The following BTN2A1 variants were observed in gnomAD, a reference collection of about 807,000 sequenced individuals.
BTN2A1 encodes the protein butyrophilin subfamily 2 member A1, also known as butyrophilin, subfamily 2, member A1.
BTN2A1 carries 41 observed loss-of-function variants against 34.5 expected under a neutral mutation model. The observed-to-expected ratio is 1.19, with a 90% CI of 0.93 to 1.54. The LOEUF (loss-of-function observed/expected upper bound fraction) is 1.54, where lower values mean the gene tolerates loss of function less well. Ranked by LOEUF, BTN2A1 falls within the 40% of genes most tolerant of loss-of-function variation. BTN2A1 has a pLI of 0.00. For synonymous variants in BTN2A1, 267 were observed against 258.6 expected (o/e 1.03, Z -0.31); for missense variants, 642 against 662.0 (o/e 0.97, Z 0.33).
downstream of BTN2A1, chr6:26,469,793 C>T (rs1009650625): frequency 3.3e-5 from 5 of 152,138 alleles, no homozygotes; most frequent in Non-Finnish European, 7.4e-5. Context: ...AAACAACAAA[C>T]TGTGTTTTAT....
chr6:26,470,157 G>A (rs945577794), downstream of BTN2A1, among the ~76,000 whole-genome samples: 1 of 152,174 alleles, frequency 6.6e-6, no homozygotes, highest in South Asian at 2.1e-4. Context: ...AGACCAGCCT[G>A]GTCAACATGG....
chr6:26,460,460 C>T (rs982335708), intron 3 of BTN2A1, among the ~76,000 whole-genome samples: 3 of 152,108 alleles, frequency 2.0e-5, no homozygotes, highest in Non-Finnish European at 4.4e-5. Flanking sequence ...ATATATAGTT[C>T]CTGCTAACTC....
chr6:26,458,851 A>G (rs1277062280), intron 2 of BTN2A1, 133 bp downstream of exon 2: 2 of 1,195,532 alleles, frequency 1.7e-6, no homozygotes, highest in East Asian at 2.4e-5. Flanking sequence ...CATTGAATTT[A>G]TACCAGCACT....
At chr6:26,475,065 G>A (rs1030123572) in intron 7 of BTN2A1, among the ~76,000 whole-genome samples, 1 of 152,164 alleles carries the variant, frequency 6.6e-6, no homozygotes, top group Non-Finnish European at 1.5e-5. Context: ...CCCCAGCCAG[G>A]AGACGAAAAG....
At chr6:26,467,612 A>G in intron 7 of BTN2A1, 5 of 1,216,876 alleles carry the variant, frequency 4.1e-6, no homozygotes, top group Non-Finnish European at 5.6e-6. Flanking sequence ...ACGCCTGGCC[A>G]GAGATCATAT....
Position 26,463,463 on chromosome 6 carries a change from T to C in BTN2A1, c.650T>C (p.Met217Thr), listed in dbSNP as rs371521117. The change falls in exon 4 of 8, where the codon ATG becomes ACG. Residue 217 changes from methionine (M) to threonine (T), a missense_variant. Transcript: ENST00000312541. ...VIIRDKSVRN[M>T]SCSINNTLLG... is the part of the protein sequence containing the mutation. Reference sequence around the variant, plus strand: ...ATCAGAGACAAGTCTGTGAGGAACATGTCCTGCTCTATCAACAACACCCTG... The same window carrying C: ...ATCAGAGACAAGTCTGTGAGGAACACGTCCTGCTCTATCAACAACACCCTG... 11 of 1,614,130 alleles carry C rather than the reference T, an allele frequency of 6.8e-6. No homozygotes were observed. The East Asian group carries it at 2.0e-4, about 29-fold the overall frequency.
intron 3 of BTN2A1, among the ~76,000 whole-genome samples, chr6:26,462,417 A>G (rs556636688): frequency 8.5e-5 from 13 of 152,314 alleles, no homozygotes; most frequent in South Asian, 2.1e-4. Flanking sequence ...AATGGTGGAA[A>G]ATGCCTGTAA....
chr6:26,465,901 A>G (rs1763299776), intron 5 of BTN2A1, 52 bp from the exon 6 acceptor site: 2 of 1,613,294 alleles, frequency 1.2e-6, no homozygotes, highest in Non-Finnish European at 8.5e-7. Flanking sequence ...TAAAAACCCA[A>G]CTTCTTTTAG....
intron 7 of BTN2A1, 150 bp downstream of exon 7, chr6:26,466,238 G>A (rs1413175388): frequency 5.0e-6 from 6 of 1,189,370 alleles, no homozygotes; most frequent in Admixed American, 1.7e-5. Flanking sequence ...CAGCAATGAT[G>A]CATCATGTCT....
intron 7 of BTN2A1, among the ~76,000 whole-genome samples, chr6:26,467,225 G>A (rs4637637): frequency 1.3e-5 from 2 of 152,202 alleles, no homozygotes; most frequent in Non-Finnish European, 2.9e-5. Flanking sequence ...GGAGGAGCAG[G>A]ACATAAAGCC....
chr6:26,461,895 C>G (rs985293295), intron 3 of BTN2A1, among the ~76,000 whole-genome samples: 7 of 152,014 alleles, frequency 4.6e-5, no homozygotes, highest in Non-Finnish European at 7.4e-5. Context: ...GTGGCACATG[C>G]CTGTAGTCTC....
chr6:26,466,263 T>C lies in BTN2A1; in HGVS notation c.982+175T>C, dbSNP rs139278761. Among the ~76,000 whole-genome samples the C allele has an allele frequency of 1.6e-3, 244 of 152,292 alleles. 1 individual carries two copies. Among genetic ancestry groups the C allele is most frequent in the Middle Eastern group, 6.8e-3 (2 of 294 alleles). On this transcript the variant is annotated intron_variant, in intron 7 of 7. Coordinates refer to ENST00000312541, the MANE Select transcript of BTN2A1 (RefSeq NM_007049.5). ...GCATCATGTCTCTTCTGTCAGGGAA[T>C]CCCAGCAGCTCTCAATCCACCCTAT...
chr6:26,465,482 A>T, intron 5 of BTN2A1, 76 bp downstream of exon 5: 1 of 1,412,000 alleles, frequency 7.1e-7, no homozygotes, highest in Non-Finnish European at 9.9e-7. Context: ...AGATCACTTG[A>T]GCCCTGGAGT....
rs1406158142 is a variant in BTN2A1, at chr6:26,458,112, G to A, written c.-61G>A. The A allele has an allele frequency of 1.3e-5, 2 of 155,878 alleles. No individual in the cohort carries two copies. Among genetic ancestry groups the A allele is most frequent in the African/African-American group, 2.4e-5 (1 of 41,476 alleles). The allele number at this position is 155,878 out of a possible 1,614,324, so 9.7% of individuals were successfully genotyped here. On this transcript the variant is annotated 5_prime_UTR_variant, in exon 1 of 8. Transcript: ENST00000312541. ...TGGAGAATCGTCGAGAACCAGCGGA[G>A]AAAAGAAAAAGCAACGTTTAATTCT...
Position 26,465,317 on chromosome 6 carries a change from A to G in BTN2A1, c.845A>G (p.Glu282Gly), listed in dbSNP as rs568799732. The G allele has an allele frequency of 1.2e-6, 2 of 1,614,138 alleles. No individual in the cohort carries two copies. The highest frequency in any genetic ancestry group is 2.2e-5 in the South Asian group (2 of 91,086). The change falls in exon 5 of 8, where the codon GAA (glutamate) becomes GGA (glycine). Residue 282 changes from glutamate to glycine, a missense_variant. Transcript: ENST00000312541. Reference protein sequence around the residue: ...LQKEKKILSGEKEFERETREI... With the variant: ...LQKEKKILSGGKEFERETREI... ...AAGGAAAAAAAGATTCTGTCAGGGG[A>G]AAAGGAGTTTGAACGGGAAACAAGA...
intron 3 of BTN2A1, among the ~76,000 whole-genome samples, chr6:26,461,261 C>T (rs1022267272): frequency 6.2e-4 from 94 of 152,340 alleles, no homozygotes; most frequent in African/African-American, 2.2e-3. Flanking sequence ...TGGCCTTTCC[C>T]ACTCTGAATT....
At chr6:26,476,167 G>A (rs1218478349) in exon 8 of BTN2A1, 1 of 1,536,516 alleles carries the variant, frequency 6.5e-7, no homozygotes, top group Non-Finnish European at 8.7e-7. Context: ...TTAGGGTGGT[G>A]AGTGGGTGCT....
intron 7 of BTN2A1, among the ~76,000 whole-genome samples, chr6:26,475,854 G>T (rs1259465853): frequency 5.3e-5 from 8 of 151,984 alleles, no homozygotes. Flanking sequence ...AGTGAGAGAA[G>T]GATAATGGGG....
rs1429801036 is a variant in BTN2A1, at chr6:26,465,858, G to A, written c.935-95G>A. On this transcript the variant is annotated intron_variant, in intron 5 of 7. Coordinates refer to ENST00000312541, the MANE Select transcript of BTN2A1 (RefSeq NM_007049.5). Reference sequence around the variant, plus strand: ...GGCATGAGGGAAGGGAGATGTTGCTGTTCATAGAAAGGACGGTTCCTGCAT... The same window carrying A: ...GGCATGAGGGAAGGGAGATGTTGCTATTCATAGAAAGGACGGTTCCTGCAT... The A allele has an allele frequency of 1.9e-6, 3 of 1,587,824 alleles. No homozygotes were observed. The East Asian group carries it at 6.8e-5, about 36-fold the overall frequency.
Sources: allele counts gnomAD v4.1 joint callset (sites outside exome capture counted in the v4.1 genomes callset), GRCh38; gene constraint gnomAD v4.1.1; transcripts MANE v1.5; gene names NCBI Gene and HGNC (gene_info 2026-07-23, HGNC 2026-07-21).